The following DYNC2H1 variants were observed in gnomAD, a reference collection of about 807,000 sequenced individuals.
DYNC2H1 encodes the protein cytoplasmic dynein 2 heavy chain 1.
DYNC2H1 carries 410 observed loss-of-function variants against 570.0 expected under a neutral mutation model. The ratio of observed to expected loss-of-function variants is 0.72; its 90% CI spans 0.66 to 0.78. DYNC2H1 has a LOEUF of 0.78. Among genes scored for constraint, DYNC2H1 ranks in the 30% least tolerant of loss-of-function variants. The pLI, the probability that DYNC2H1 is intolerant of heterozygous loss-of-function variation, is 0.00. For synonymous variants in DYNC2H1, 1,688 were observed against 1,677.6 expected, an observed-to-expected ratio of 1.01 and a Z score of -0.15; for missense variants, 4,865 against 5,046.4, an observed-to-expected ratio of 0.96 and a Z score of 1.09.
chr11:103,342,090 G>C (rs184095223), intron 82 of DYNC2H1, among the ~76,000 whole-genome samples: 1 of 152,164 alleles, frequency 6.6e-6, no homozygotes, highest in Non-Finnish European at 1.5e-5. Context: ...AAAGTGATCC[G>C]TGATCATGCT....
chr11:103,184,414 A>T (rs1861982437), intron 40 of DYNC2H1, among the ~76,000 whole-genome samples: 1 of 151,610 alleles, frequency 6.6e-6, no homozygotes, highest in Non-Finnish European at 1.5e-5. Context: ...TACAGATCAA[A>T]GCATCTACAC....
intron 82 of DYNC2H1, among the ~76,000 whole-genome samples, chr11:103,353,323 G>T (rs1940145003): frequency 6.6e-6 from 1 of 152,142 alleles, no homozygotes; most frequent in Admixed American, 6.6e-5. Context: ...ATGATTGTCT[G>T]TTCTCCAGAT....
intron 75 of DYNC2H1, among the ~76,000 whole-genome samples, chr11:103,300,052 C>T (rs556773520): frequency 4.6e-5 from 7 of 151,932 alleles, no homozygotes; most frequent in African/African-American, 1.7e-4. Flanking sequence ...ACATCTGATA[C>T]TTATCAGCTC....
chr11:103,143,638 C>T (rs1312212488), intron 18 of DYNC2H1, among the ~76,000 whole-genome samples: 1 of 152,152 alleles, frequency 6.6e-6, no homozygotes, highest in Admixed American at 6.5e-5. Context: ...CTTCTATCTT[C>T]ATCTGGTATG....
At chr11:103,183,466 A>G (rs1861936042) in intron 40 of DYNC2H1, among the ~76,000 whole-genome samples, 1 of 151,850 alleles carries the variant, frequency 6.6e-6, no homozygotes. Context: ...TTATGTTTTG[A>G]GGTCACACCG....
intron 54 of DYNC2H1, among the ~76,000 whole-genome samples, chr11:103,214,398 A>T (rs983223832): frequency 6.7e-6 from 1 of 150,132 alleles, no homozygotes; most frequent in African/African-American, 2.5e-5. Context: ...GAATCTGTAG[A>T]TTGCTCTGAG....
intron 85 of DYNC2H1, among the ~76,000 whole-genome samples, chr11:103,452,340 A>C (rs1264068371): frequency 7.1e-6 from 1 of 140,776 alleles, no homozygotes; most frequent in Non-Finnish European, 1.6e-5. Flanking sequence ...TGAATCACTT[A>C]ATTTTTTTTT....
chr11:103,210,123 T>C (rs932721438), intron 53 of DYNC2H1, among the ~76,000 whole-genome samples, 163 bp downstream of exon 53: 2 of 151,970 alleles, frequency 1.3e-5, no homozygotes, highest in African/African-American at 4.8e-5. Context: ...GAAGCCCTTT[T>C]TATTTTTAAA....
At position 103,121,021 on chromosome 11, in the gene DYNC2H1, G is replaced by C; in HGVS notation, c.1345G>C (p.Val449Leu). 6.4e-7 allele frequency: 1 copy of C among 1,573,724 alleles called. No homozygotes were observed. The highest frequency in any genetic ancestry group is 2.3e-5 in the East Asian group (1 of 43,410). The change falls in exon 9 of 89, where the codon GTG (valine) becomes CTG (leucine). Residue 449 changes from valine (V) to leucine (L), a missense_variant. This residue lies in a region of DYNC2H1 where 1,936 missense variants were observed against 1,962.1 expected (regional missense o/e 0.99). Coordinates refer to ENST00000375735, the MANE Select transcript of DYNC2H1 (RefSeq NM_001377.3). The part of the protein sequence containing the change: ...LERETLLARL[V>L]DSIKDFRLDF... Reference sequence around the variant, plus strand: ...AAGAGAAACTTTACTGGCAAGACTTGTGGACTCAATTAAAGGTAAAAGTTT... The same window carrying C: ...AAGAGAAACTTTACTGGCAAGACTTCTGGACTCAATTAAAGGTAAAAGTTT...
In DYNC2H1 at chr11:103,174,263, C is replaced by T. The variant is rs1368228353; in HGVS notation, c.5674+93C>T. 1.7e-5 allele frequency: 18 copies of T among 1,072,262 alleles called. No homozygotes were observed. In the East Asian group the frequency reaches 3.9e-4, roughly 23 times the overall value. The allele number at this position is 1,072,262 out of a possible 1,614,324, so 66.4% of individuals were successfully genotyped here. ...GAGATTTACAGAAAAGTTGTAGATACAATATTAAGGATTACTGTATACCCT... is the reference window on the plus strand; with the variant it reads ...GAGATTTACAGAAAAGTTGTAGATATAATATTAAGGATTACTGTATACCCT... On this transcript the variant is annotated intron_variant, in intron 36 of 88. Coordinates refer to ENST00000375735, the MANE Select transcript of DYNC2H1 (RefSeq NM_001377.3).
chr11:103,393,047 C>G (rs1320831462), intron 83 of DYNC2H1, among the ~76,000 whole-genome samples: 3 of 152,136 alleles, frequency 2.0e-5, no homozygotes, highest in African/African-American at 7.2e-5. Context: ...CCATGCCCAG[C>G]TAATTTTTGT....
chr11:103,182,191 A>G (rs1223580306), intron 40 of DYNC2H1, among the ~76,000 whole-genome samples: 1 of 151,252 alleles, frequency 6.6e-6, no homozygotes, highest in East Asian at 1.9e-4. Flanking sequence ...TCTTGCTGCC[A>G]CTTTTTACTG....
intron 71 of DYNC2H1, among the ~76,000 whole-genome samples, chr11:103,281,209 C>A (rs1866115270): frequency 6.6e-6 from 1 of 151,960 alleles, no homozygotes. Flanking sequence ...TATGTTCTCC[C>A]TTTGTTTTTC....
intron 84 of DYNC2H1, among the ~76,000 whole-genome samples, chr11:103,429,615 C>G (rs1409312083): frequency 2.6e-5 from 4 of 152,150 alleles, no homozygotes; most frequent in Non-Finnish European, 4.4e-5. Flanking sequence ...AGTAAGGGCT[C>G]TCTTATTGTT....
intron 88 of DYNC2H1, among the ~76,000 whole-genome samples, chr11:103,474,288 G>A (rs1945482775): frequency 6.6e-6 from 1 of 152,020 alleles, no homozygotes; most frequent in Non-Finnish European, 1.5e-5. Context: ...TGTGCTACTT[G>A]TACATACATT....
At chr11:103,187,738 A>G (rs758162690) in intron 43 of DYNC2H1, among the ~76,000 whole-genome samples, 152 bp downstream of exon 43, 25 of 152,146 alleles carry the variant, frequency 1.6e-4, no homozygotes, top group Non-Finnish European at 3.4e-4. Flanking sequence ...GTCTTGTTCC[A>G]GTTCTTCTGT....
intron 70 of DYNC2H1, among the ~76,000 whole-genome samples, chr11:103,279,387 G>A (rs1235279848): frequency 1.3e-5 from 2 of 152,176 alleles, no homozygotes; most frequent in Non-Finnish European, 2.9e-5. Flanking sequence ...TGAAGTCAAA[G>A]AGTATGATCC....
At chr11:103,116,540 A>G (rs747228675) in intron 4 of DYNC2H1, 30 bp from the exon 5 acceptor site, 2 of 1,543,324 alleles carry the variant, frequency 1.3e-6, no homozygotes, top group Admixed American at 3.7e-5. Flanking sequence ...AAATATAATT[A>G]TGTTTAAAAA....
intron 40 of DYNC2H1, 75 bp from the exon 41 acceptor site, chr11:103,184,821 T>C: frequency 6.8e-7 from 1 of 1,471,440 alleles, no homozygotes; most frequent in Non-Finnish European, 9.2e-7. Context: ...TATGTGAACA[T>C]CAGTCTGTAT....
Sources: gnomAD v4.1 joint callset for allele counts (sites outside exome capture counted in the v4.1 genomes callset) on GRCh38, gnomAD v4.1.1 for gene constraint, gnomAD v4.1.1 regional missense constraint, MANE v1.5 for transcripts, NCBI Gene and HGNC (gene_info 2026-07-23, HGNC 2026-07-21) for gene names.